Variants in RHBDF2 observed in about 807,000 individuals in gnomAD.
RHBDF2 encodes the protein inactive rhomboid protein 2.
RHBDF2 carries 38 observed loss-of-function variants against 95.2 expected under a neutral mutation model. The observed-to-expected ratio is 0.40, with a 90% CI of 0.31 to 0.52. RHBDF2 has a LOEUF of 0.52. RHBDF2 is among the 20% of genes least tolerant of loss of function. RHBDF2 has a pLI of 0.56. For synonymous variants in RHBDF2, 442 were observed against 462.0 expected (o/e 0.96, Z 0.55); for missense variants, 863 against 1,137.7 (o/e 0.76, Z 3.47).
intron 2 of RHBDF2, chr17:76,481,813 G>T (rs2073976292): frequency 4.3e-6 from 1 of 235,150 alleles, no homozygotes. Flanking sequence ...AATTAGCTAG[G>T]CGTGGTGGCA....
chr17:76,496,604 A>T lies in RHBDF2; in HGVS notation c.-220+4749T>A, dbSNP rs115282981. Among the ~76,000 whole-genome samples the T allele has an allele frequency of 3.3e-3, 509 of 152,326 alleles. 3 individuals carry two copies. Among genetic ancestry groups the T allele is most frequent in the African/African-American group, 0.011 (471 of 41,572 alleles). On this transcript the variant is annotated intron_variant, in intron 1 of 18. Transcript: ENST00000675367. ...TGCTCAGCTTGCAAAGGACTTTTAC[A>T]GACATGATCTCATTTAGTTGAGGCT...
chr17:76,490,371 C>A (rs553799751), intron 1 of RHBDF2, among the ~76,000 whole-genome samples: 5 of 152,268 alleles, frequency 3.3e-5, no homozygotes, highest in Non-Finnish European at 7.4e-5. Flanking sequence ...GGAGCCCTGG[C>A]AGCCACACCG....
chr17:76,474,118 A>G lies in RHBDF2; in HGVS notation c.1489T>C (p.Trp497Arg). 6.3e-7 allele frequency: 1 copy of G among 1,593,546 alleles called. No individual in the cohort carries two copies. Among genetic ancestry groups the G allele is most frequent in the South Asian group, 1.1e-5 (1 of 88,838 alleles). The change falls in exon 13 of 19, where the codon TGG becomes CGG. Residue 497 changes from tryptophan to arginine, a missense_variant. Physicochemically the swap from Trp to Arg is moderately radical, Grantham distance 101. Around this residue, in one of 2 missense-constraint regions of RHBDF2, gnomAD observed 611 missense variants for 725.5 expected, o/e 0.84. Coordinates refer to ENST00000675367, the MANE Select transcript of RHBDF2 (RefSeq NM_001005498.4). ...CSETLATFVK[W>R]QDDTGPPMDK... ...ATGGGGGGCCCAGTGTCATCCTGCC[A>G]CTTGACAAAAGTGGCCAAAGTCTCC...
intron 8 of RHBDF2, 71 bp downstream of exon 8, chr17:76,477,109 C>A (rs553363782): frequency 6.2e-7 from 1 of 1,610,234 alleles, no homozygotes; most frequent in South Asian, 1.1e-5. Context: ...GGCTTGGGGG[C>A]CAGGGTGAGG....
At chr17:76,500,040 C>T (rs953976424) in intron 1 of RHBDF2, among the ~76,000 whole-genome samples, 1 of 152,156 alleles carries the variant, frequency 6.6e-6, no homozygotes, top group African/African-American at 2.4e-5. Flanking sequence ...TGCCTTACCC[C>T]TCATCTCATT....
chr17:76,498,856 C>T (rs1403118699), intron 1 of RHBDF2, among the ~76,000 whole-genome samples: 1 of 131,374 alleles, frequency 7.6e-6, no homozygotes, highest in Non-Finnish European at 1.7e-5. Flanking sequence ...TTGTGTGTGT[C>T]TCTGTGTGTC....
At chr17:76,488,465 A>G (rs12450964) in intron 1 of RHBDF2, among the ~76,000 whole-genome samples, 75,446 of 151,262 alleles carry the variant, frequency 0.5, 20,691 homozygotes, top group Middle Eastern at 0.65. Context: ...GTGCCATTAC[A>G]CTCCAGCCTG....
chr17:76,500,397 C>T (rs931406709), intron 1 of RHBDF2, among the ~76,000 whole-genome samples: 25 of 152,218 alleles, frequency 1.6e-4, no homozygotes, highest in African/African-American at 5.5e-4. Flanking sequence ...AACACGCCTC[C>T]CTTTCCACTG....
At chr17:76,474,560 G>C in intron 11 of RHBDF2, 26 bp from the exon 12 acceptor site, 1 of 1,613,268 alleles carries the variant, frequency 6.2e-7, no homozygotes, top group Non-Finnish European at 8.5e-7. Flanking sequence ...GGAGGGGAGA[G>C]AGTGAGTTTG....
chr17:76,480,962 C>T (rs2073945869), intron 3 of RHBDF2, among the ~76,000 whole-genome samples: 1 of 152,210 alleles, frequency 6.6e-6, no homozygotes, highest in Non-Finnish European at 1.5e-5. Flanking sequence ...TGTTCTCGTC[C>T]TCCCAAAGGA....
chr17:76,471,939 G>A lies in RHBDF2; in HGVS notation c.2178C>T (p.Ile726=), dbSNP rs562167910. The part of the protein sequence containing the change: ...PWKAFLNLSA[I]VLFLFICGLL... ...GGCCACAGATGAACAGGAAGAGCAC[G>A]ATGGCCGAGAGGTTGAGGAAGGCCT... is the stretch of plus-strand genomic sequence containing the variant. The change falls in exon 19 of 19, where the codon ATC becomes ATT. Residue 726 remains isoleucine (I), a synonymous_variant. Coordinates refer to ENST00000675367, the MANE Select transcript of RHBDF2 (RefSeq NM_001005498.4). The A allele has an allele frequency of 1.1e-5, 17 of 1,571,178 alleles. No individual in the cohort carries two copies. The highest frequency in any genetic ancestry group is 1.5e-5 in the Non-Finnish European group (17 of 1,158,042).
intron 4 of RHBDF2, 82 bp from the exon 5 acceptor site, chr17:76,479,359 T>C (rs1181309077): frequency 1.3e-6 from 2 of 1,524,030 alleles, no homozygotes; most frequent in South Asian, 1.2e-5. Flanking sequence ...TGATGGCACG[T>C]GTGTGCCCGC....
intron 11 of RHBDF2, 41 bp from the exon 12 acceptor site, chr17:76,474,575 C>T: frequency 1.2e-6 from 2 of 1,612,324 alleles, no homozygotes; most frequent in Non-Finnish European, 1.7e-6. Context: ...AGTTTGAGCC[C>T]CAGACCTGGG....
In RHBDF2 at chr17:76,479,212, C is replaced by A. The variant is rs754289562; in HGVS notation, c.338G>T (p.Arg113Leu). 2 of 1,609,270 alleles carry A rather than the reference C, an allele frequency of 1.2e-6. No individual in the cohort carries two copies. Among genetic ancestry groups the A allele is most frequent in the Non-Finnish European group, 1.7e-6 (2 of 1,179,206 alleles). The change falls in exon 5 of 19, where the codon CGC (arginine) becomes CTC (leucine). Residue 113 changes from arginine (R) to leucine (L), a missense_variant. Transcript: ENST00000675367. Reference sequence around the variant, plus strand: ...GCGCATGCTGCAGTGGTGCAGGCTGCGGCGCTGCCACTGCTGCCGCTGCCC... The same window carrying A: ...GCGCATGCTGCAGTGGTGCAGGCTGAGGCGCTGCCACTGCTGCCGCTGCCC... ...WEGQRQQWQR[R>L]SLHHCSMRYG... is the part of the protein sequence containing the mutation.
Position 76,477,680 on chromosome 17 carries a change from A to G in RHBDF2, c.778T>C (p.Phe260Leu), listed in dbSNP as rs1336711056. ...EEDVVDGADT[F>L]DSSFFSKEEM... ...GCCTTACTAAAAAAGGAGGAGTCAA[A>G]CGTGTCTGCCCCATCGACCACATCC... is the stretch of plus-strand genomic sequence containing the variant. The change falls in exon 7 of 19, where the codon TTT becomes CTT. Residue 260 changes from phenylalanine (F) to leucine (L), a missense_variant. Physicochemically the swap from Phe to Leu is conservative, Grantham distance 22 (BLOSUM62 0). Coordinates refer to ENST00000675367, the MANE Select transcript of RHBDF2 (RefSeq NM_001005498.4). 6.2e-7 allele frequency: 1 copy of G among 1,614,002 alleles called. No individual in the cohort carries two copies. The highest frequency in any genetic ancestry group is 1.1e-5 in the South Asian group (1 of 91,078).
intron 3 of RHBDF2, 171 bp from the exon 4 acceptor site, chr17:76,480,025 G>A: frequency 7.5e-6 from 3 of 399,378 alleles, no homozygotes; most frequent in East Asian, 4.6e-5. Flanking sequence ...GTGTGTGTGT[G>A]TGTGTGTGTG....
chr17:76,491,433 G>GT (rs56748371), intron 1 of RHBDF2, among the ~76,000 whole-genome samples: 2 of 79,012 alleles, frequency 2.5e-5, no homozygotes, highest in Non-Finnish European at 7.4e-5. Context: ...GCAATCAGTT[G>GT]GGGGGGGGTC....
intron 1 of RHBDF2, among the ~76,000 whole-genome samples, chr17:76,490,002 C>T (rs750758421): frequency 2.0e-5 from 3 of 152,220 alleles, no homozygotes; most frequent in African/African-American, 4.8e-5. Context: ...AGCATTCCAG[C>T]GCTTTCCAAA....
Position 76,477,006 on chromosome 17 carries a change from G to T in RHBDF2, c.939C>A (p.Ala313=). The change falls in exon 9 of 19, where the codon GCC becomes GCA. Residue 313 remains alanine, a synonymous_variant. Coordinates refer to ENST00000675367, the MANE Select transcript of RHBDF2 (RefSeq NM_001005498.4). ...TGCCGCGCCGGGGCCCGGGGACTGG[G>T]GCTCGGCCATACTCCTTCCTGGTGG... The part of the protein sequence containing the change: ...VQIPLKEYGR[A]PVPGPRRGKR... 1 of 1,613,808 alleles carries T rather than the reference G, an allele frequency of 6.2e-7. No individual in the cohort carries two copies. Among genetic ancestry groups the T allele is most frequent in the Non-Finnish European group, 8.5e-7 (1 of 1,180,030 alleles).
Sources: gnomAD v4.1 joint callset for allele counts (sites outside exome capture counted in the v4.1 genomes callset) on GRCh38, gnomAD v4.1.1 for gene constraint, gnomAD v4.1.1 regional missense constraint, MANE v1.5 for transcripts, NCBI Gene and HGNC (gene_info 2026-07-23, HGNC 2026-07-21) for gene names.